Variants in BEND5 observed in about 807,000 individuals in gnomAD.
The protein encoded by BEND5 is BEN domain-containing protein 5.
In BEND5, 22 loss-of-function variants were observed where a neutral mutation model predicts 43.9. The ratio of observed to expected loss-of-function variants is 0.50; its 90% CI spans 0.36 to 0.72. The LOEUF is 0.72. Among genes scored for constraint, BEND5 ranks in the 30% least tolerant of loss-of-function variants. BEND5 has a pLI of 0.00. For synonymous variants in BEND5, 228 were observed against 225.9 expected (o/e 1.01, Z -0.08); for missense variants, 428 against 550.6 (o/e 0.78, Z 2.23).
intron 1 of BEND5, among the ~76,000 whole-genome samples, chr1:48,775,296 T>C (rs1251230531): frequency 2.6e-5 from 4 of 152,056 alleles, no homozygotes; most frequent in Non-Finnish European, 5.9e-5. Flanking sequence ...CTCTTCAACT[T>C]CTGCAAACCG....
At chr1:48,763,644 C>A (rs967424651) in intron 1 of BEND5, among the ~76,000 whole-genome samples, 4 of 152,198 alleles carry the variant, frequency 2.6e-5, no homozygotes, top group African/African-American at 9.7e-5. Context: ...TTAGAAATGA[C>A]AAGCTATGCT....
intron 1 of BEND5, among the ~76,000 whole-genome samples, chr1:48,763,179 A>G (rs1312570242): frequency 1.3e-5 from 2 of 152,190 alleles, no homozygotes; most frequent in Admixed American, 6.5e-5. Flanking sequence ...CTGCTCAGAA[A>G]AAAAAGAGGT....
At chr1:48,737,374 G>A (rs377340963) in intron 4 of BEND5, among the ~76,000 whole-genome samples, 9 of 152,320 alleles carry the variant, frequency 5.9e-5, no homozygotes, top group Admixed American at 3.3e-4. Context: ...GCTGGGTGTG[G>A]CCTAAATAAT....
chr1:48,737,669 T>C (rs1649286807), intron 4 of BEND5, among the ~76,000 whole-genome samples: 2 of 152,214 alleles, frequency 1.3e-5, no homozygotes, highest in Admixed American at 6.5e-5. Flanking sequence ...AGACCCAGAA[T>C]GTTCCAGCAA....
At chr1:48,741,988 T>C (rs1649985785) in intron 4 of BEND5, among the ~76,000 whole-genome samples, 4 of 152,248 alleles carry the variant, frequency 2.6e-5, no homozygotes, top group South Asian at 2.1e-4. Context: ...TCACGAGCGA[T>C]TCCATTACTA....
rs1415597483 is a variant in BEND5 at position 48,736,308 on chromosome 1, C to T, written c.1039G>A (p.Ala347Thr). 2.5e-6 allele frequency: 4 copies of T among 1,613,842 alleles called. No homozygotes were observed. Among genetic ancestry groups the T allele is most frequent in the East Asian group, 2.2e-5 (1 of 44,880 alleles). Residue 347 changes from alanine (A) to threonine (T), a missense_variant, in exon 5 of 6, where the codon GCC becomes ACC. Coordinates refer to ENST00000371833, the MANE Select transcript of BEND5 (RefSeq NM_024603.4). This position sits in a 1 kb window ranked among gnomAD's most constrained non-coding sequence, Gnocchi z 4.0. Reference protein sequence around the residue: ...VLKNRSVTGVATKKKKDAVPK... With the variant: ...VLKNRSVTGVTTKKKKDAVPK... Reference sequence around the variant, plus strand: ...ACTGCATCTTTCTTTTTTTTTGTGGCGACGCCTGTGACGCTTCTGTTTTTC... The same window carrying T: ...ACTGCATCTTTCTTTTTTTTTGTGGTGACGCCTGTGACGCTTCTGTTTTTC...
chr1:48,769,238 C>A (rs72904862), intron 1 of BEND5, among the ~76,000 whole-genome samples: 1,576 of 152,226 alleles, frequency 0.01, 28 homozygotes, highest in African/African-American at 0.036. Context: ...TGAAGAAATG[C>A]CCTACTGAGG....
chr1:48,757,822 C>T (rs1391979867), intron 3 of BEND5, among the ~76,000 whole-genome samples: 4 of 152,264 alleles, frequency 2.6e-5, no homozygotes, highest in East Asian at 3.9e-4. Flanking sequence ...GGGGATATTT[C>T]TAGACTAGAT....
chr1:48,773,097 C>A (rs1026077639), intron 1 of BEND5, among the ~76,000 whole-genome samples: 3 of 152,138 alleles, frequency 2.0e-5, no homozygotes, highest in African/African-American at 7.2e-5. Flanking sequence ...TCACTTAATA[C>A]AGCACTGGGC....
chr1:48,728,109 G>A, intron 5 of BEND5, 66 bp from the exon 6 acceptor site: 37 of 1,431,568 alleles, frequency 2.6e-5, no homozygotes, highest in South Asian at 1.2e-4. Flanking sequence ...TTTTAAGGAG[G>A]GTAAAAGAAA....
chr1:48,768,307 A>G (rs1292134249), intron 1 of BEND5, among the ~76,000 whole-genome samples: 1 of 152,190 alleles, frequency 6.6e-6, no homozygotes, highest in Non-Finnish European at 1.5e-5. Flanking sequence ...CCTGTTGCCA[A>G]ACTCCTGAAC....
chr1:48,759,514 C>T lies in BEND5; in HGVS notation c.361-230G>A, dbSNP rs1322742246. 7 of 857,616 alleles carry T rather than the reference C, an allele frequency of 8.2e-6. No individual in the cohort carries two copies. In the Admixed American group the frequency reaches 1.3e-4, roughly 16 times the overall value. The allele number at this position is 857,616 out of a possible 1,614,324, so 53.1% of individuals were successfully genotyped here. A position where few individuals can be genotyped will look rare whatever the true frequency, so the allele number is the denominator to read the frequency against. ...GGAAGGGGCTTGCCCAAAGTCATAA[C>T]CAGGACACTGGTTTCCCAGGCCTGC... On this transcript the variant is annotated intron_variant, in intron 2 of 5. Transcript: ENST00000371833.
At position 48,745,996 on chromosome 1, in the gene BEND5, G is replaced by A. The variant is rs183314015; in HGVS notation, c.746-3225C>T. Among the ~76,000 whole-genome samples, 372 of 152,208 alleles carry A rather than the reference G, an allele frequency of 2.4e-3. 4 individuals are homozygous for A. Among genetic ancestry groups the A allele is most frequent in the Admixed American group, 3.3e-3 (50 of 15,292 alleles). ...GGAGGCTTGAGGACAGCCAAGGACC[G>A]TGTCTTTTTATGTCAGAGACCAGGT... On this transcript the variant is annotated intron_variant, in intron 3 of 5. Coordinates refer to ENST00000371833, the MANE Select transcript of BEND5 (RefSeq NM_024603.4).
chr1:48,730,714 T>C (rs1375321649), intron 5 of BEND5, among the ~76,000 whole-genome samples: 1 of 152,174 alleles, frequency 6.6e-6, no homozygotes, highest in African/African-American at 2.4e-5. Context: ...TAGATATTAA[T>C]CACCTGCAGT....
At chr1:48,735,646 C>T (rs998387148) in intron 5 of BEND5, among the ~76,000 whole-genome samples, 2 of 152,088 alleles carry the variant, frequency 1.3e-5, no homozygotes, top group Non-Finnish European at 2.9e-5. Flanking sequence ...TGCCCTCCAA[C>T]CTCTCCCATA....
At chr1:48,733,389 A>T (rs1267120039) in intron 5 of BEND5, among the ~76,000 whole-genome samples, 1 of 152,202 alleles carries the variant, frequency 6.6e-6, no homozygotes, top group Non-Finnish European at 1.5e-5. Flanking sequence ...GGACATAGTT[A>T]AGTCTGTAGG....
At chr1:48,770,574 C>A (rs1379778637) in intron 1 of BEND5, among the ~76,000 whole-genome samples, 7 of 152,204 alleles carry the variant, frequency 4.6e-5, no homozygotes, top group Non-Finnish European at 1.0e-4. Context: ...TTCATGACTT[C>A]CAGATTGAGA....
intron 5 of BEND5, among the ~76,000 whole-genome samples, chr1:48,728,816 T>C (rs1647626925): frequency 6.6e-6 from 1 of 152,238 alleles, no homozygotes. Flanking sequence ...AGCAACAGTG[T>C]ATGCAAGTAG....
intron 3 of BEND5, among the ~76,000 whole-genome samples, chr1:48,745,123 G>A (rs1022236723): frequency 1.6e-4 from 25 of 152,312 alleles, no homozygotes; most frequent in Non-Finnish European, 2.5e-4. Context: ...ATCTTGGAGC[G>A]TAGGGAAGCG....
Sources: allele counts gnomAD v4.1 joint callset (sites outside exome capture counted in the v4.1 genomes callset), GRCh38; gene constraint gnomAD v4.1.1; non-coding constraint Gnocchi (gnomAD v3.1); transcripts MANE v1.5; gene names NCBI Gene and HGNC (gene_info 2026-07-23, HGNC 2026-07-21).